LRMDA: variants seen among roughly 807,000 people sequenced by gnomAD.
The protein encoded by LRMDA is leucine-rich melanocyte differentiation-associated protein.
LRMDA carries 18 observed loss-of-function variants against 29.8 expected under a neutral mutation model. The ratio of observed to expected loss-of-function variants is 0.60; its 90% CI spans 0.42 to 0.90. The LOEUF (loss-of-function observed/expected upper bound fraction) is 0.90, where lower values mean the gene tolerates loss of function less well. Ranked by LOEUF, LRMDA falls within the 40% of genes least tolerant of loss-of-function variation. The pLI is 0.00. For synonymous variants in LRMDA, 125 were observed against 109.4 expected (o/e 1.14, Z -0.89); for missense variants, 273 against 273.9 (o/e 1.00, Z 0.02).
At chr10:76,245,506 G>A (rs1353156850) in intron 5 of LRMDA, among the ~76,000 whole-genome samples, 1 of 152,172 alleles carries the variant, frequency 6.6e-6, no homozygotes, top group East Asian at 1.9e-4. Context: ...GATGGTGAGA[G>A]GGAAGGAAAG....
chr10:75,732,087 T>C (rs1842706077), intron 2 of LRMDA, among the ~76,000 whole-genome samples: 1 of 151,892 alleles, frequency 6.6e-6, no homozygotes, highest in Non-Finnish European at 1.5e-5. Flanking sequence ...ACGTTACCTA[T>C]GGAAATATGA....
chr10:76,034,714 G>A (rs1444368465), intron 2 of LRMDA, among the ~76,000 whole-genome samples: 3 of 152,206 alleles, frequency 2.0e-5, no homozygotes, highest in South Asian at 2.1e-4. Context: ...CATTGCACAC[G>A]CAAGCACACG....
intron 2 of LRMDA, among the ~76,000 whole-genome samples, chr10:75,974,941 G>A (rs1485486566): frequency 6.6e-6 from 1 of 152,214 alleles, no homozygotes; most frequent in Non-Finnish European, 1.5e-5. Flanking sequence ...GTTCACTTGT[G>A]TATTTAAAAA....
intron 6 of LRMDA, among the ~76,000 whole-genome samples, chr10:76,534,507 A>G (rs1843270853): frequency 6.6e-6 from 1 of 152,224 alleles, no homozygotes; most frequent in Non-Finnish European, 1.5e-5. Context: ...TTACACCTGG[A>G]GGAAATTGCC....
chr10:75,872,090 A>C (rs937833006), intron 2 of LRMDA, among the ~76,000 whole-genome samples: 6 of 152,100 alleles, frequency 3.9e-5, no homozygotes, highest in African/African-American at 1.4e-4. Context: ...GGTACTTTTA[A>C]ATTTCTACTT....
At chr10:75,489,000 A>G (rs1844950638) in intron 2 of LRMDA, among the ~76,000 whole-genome samples, 1 of 152,198 alleles carries the variant, frequency 6.6e-6, no homozygotes, top group Admixed American at 6.5e-5. Context: ...GAGTTCTTAC[A>G]TGAGTCCCTC....
chr10:75,727,448 A>G (rs1842644125), intron 2 of LRMDA, among the ~76,000 whole-genome samples: 1 of 152,176 alleles, frequency 6.6e-6, no homozygotes, highest in African/African-American at 2.4e-5. Flanking sequence ...TTAGAAATTC[A>G]CAAGACTGAT....
chr10:76,065,493 C>T (rs1032642083), intron 5 of LRMDA, among the ~76,000 whole-genome samples: 1 of 152,222 alleles, frequency 6.6e-6, no homozygotes, highest in Admixed American at 6.5e-5. Context: ...CTGATGGGAC[C>T]TCTGGCTTGC....
chr10:76,089,424 A>C (rs1301836051), intron 5 of LRMDA, among the ~76,000 whole-genome samples: 1 of 152,242 alleles, frequency 6.6e-6, no homozygotes, highest in African/African-American at 2.4e-5. Flanking sequence ...AATAAAACAC[A>C]TAGGAAGATG....
At chr10:76,004,023 C>T (rs543979999) in intron 2 of LRMDA, among the ~76,000 whole-genome samples, 112 of 152,188 alleles carry the variant, frequency 7.4e-4, no homozygotes, top group Middle Eastern at 6.8e-3. Context: ...AAATGAAAAA[C>T]TGAGTGAATA....
At chr10:75,555,675 C>T (rs1840204095) in intron 2 of LRMDA, among the ~76,000 whole-genome samples, 1 of 152,158 alleles carries the variant, frequency 6.6e-6, no homozygotes, top group Non-Finnish European at 1.5e-5. Context: ...GTTTCTACAA[C>T]ATATCATTCA....
intron 2 of LRMDA, among the ~76,000 whole-genome samples, chr10:75,700,457 A>G (rs1419689335): frequency 4.3e-5 from 6 of 138,834 alleles, no homozygotes; most frequent in African/African-American, 1.3e-4. Context: ...TTTTTTTGAG[A>G]TGGAGTCTCG....
chr10:75,445,100 T>TTTG lies in LRMDA; in HGVS notation c.131+6621_131+6623dup, dbSNP rs535166056. The stretch of plus-strand genomic sequence containing the variant: ...TGCACCACCACCATGCCTGGCTAAT[T>TTTG]TTGTTGTTGTTGTTGTTAAATTTTG... On this transcript the variant is annotated intron_variant, in intron 2 of 6. Coordinates refer to ENST00000611255, the MANE Select transcript of LRMDA (RefSeq NM_001305581.2). Among the ~76,000 whole-genome samples, 202 of 151,984 alleles carry TTTG rather than the reference T, an allele frequency of 1.3e-3. 1 individual carries two copies. The highest frequency in any genetic ancestry group is 4.5e-3 in the African/African-American group (185 of 41,446).
intron 5 of LRMDA, among the ~76,000 whole-genome samples, chr10:76,154,296 G>C (rs1421416296): frequency 6.6e-6 from 1 of 152,158 alleles, no homozygotes; most frequent in African/African-American, 2.4e-5. Context: ...CTGGCCCCAG[G>C]TATTCTGTTT....
intron 6 of LRMDA, among the ~76,000 whole-genome samples, chr10:76,539,078 T>C (rs568137312): frequency 6.3e-4 from 96 of 152,300 alleles, no homozygotes; most frequent in African/African-American, 2.3e-3. Context: ...TTAAAAAAGG[T>C]ATAACATCCT....
rs138941766 is a variant in LRMDA, at chr10:76,211,635, T to A, written c.517-112766T>A. 2.8e-3 allele frequency among the ~76,000 whole-genome samples: 424 copies of A among 152,304 alleles called. 2 individuals carry two copies. The highest frequency in any genetic ancestry group is 9.7e-3 in the African/African-American group (405 of 41,570). On this transcript the variant is annotated intron_variant, in intron 5 of 6. Transcript: ENST00000611255. ...ACTTGGGTGACTTGCACAAGATAGG[T>A]TTTTAGGTTTTGCTAGGCTGACATG... is the stretch of plus-strand genomic sequence containing the variant.
At chr10:75,929,617 G>T (rs1427991587) in intron 2 of LRMDA, among the ~76,000 whole-genome samples, 1 of 152,114 alleles carries the variant, frequency 6.6e-6, no homozygotes, top group African/African-American at 2.4e-5. Flanking sequence ...TTAGGGCCCT[G>T]GTCCACATAG....
intron 5 of LRMDA, among the ~76,000 whole-genome samples, chr10:76,298,066 G>T (rs564573374): frequency 2.6e-5 from 4 of 152,218 alleles, no homozygotes; most frequent in Non-Finnish European, 5.9e-5. Flanking sequence ...CGTGCGAGCT[G>T]CTGGTGCCAT....
intron 6 of LRMDA, among the ~76,000 whole-genome samples, chr10:76,425,864 G>C (rs1842119784): frequency 6.6e-6 from 1 of 151,014 alleles, no homozygotes; most frequent in African/African-American, 2.4e-5. Context: ...TTGGTTTTTT[G>C]TCCTTGTGAT....
Sources: allele counts gnomAD v4.1 joint callset (sites outside exome capture counted in the v4.1 genomes callset), GRCh38; gene constraint gnomAD v4.1.1; transcripts MANE v1.5; gene names NCBI Gene and HGNC (gene_info 2026-07-23, HGNC 2026-07-21).